STK3: variants seen among roughly 807,000 people sequenced by gnomAD.
STK3 encodes serine/threonine-protein kinase 3.
In STK3, 41 loss-of-function variants were observed where a neutral mutation model predicts 58.0. The ratio of observed to expected loss-of-function variants is 0.71; its 90% CI spans 0.55 to 0.92. The LOEUF (loss-of-function observed/expected upper bound fraction) is 0.92, where lower values mean the gene tolerates loss of function less well. STK3 is among the 40% of genes least tolerant of loss of function. The pLI is 0.00. For missense variants in STK3, 479 were observed against 602.7 expected (o/e 0.79, Z 2.15); for synonymous variants, 170 against 191.0 (o/e 0.89, Z 0.91).
At chr8:98,351,245 C>T in the STK3 span, among the ~76,000 whole-genome samples, 1 of 152,168 alleles carries the variant, frequency 6.6e-6, no homozygotes, top group Non-Finnish European at 1.5e-5. Flanking sequence ...TCGTGTAGAG[C>T]ATTAAATACA....
intron 3 of STK3, among the ~76,000 whole-genome samples, chr8:98,840,114 A>G (rs1289711609): frequency 1.3e-5 from 2 of 152,088 alleles, no homozygotes; most frequent in Non-Finnish European, 2.9e-5. Context: ...TGAGAAGCTG[A>G]GGCAGGTGGT....
chr8:98,838,056 G>A (rs367578555), intron 3 of STK3, among the ~76,000 whole-genome samples: 3 of 142,292 alleles, frequency 2.1e-5, no homozygotes, highest in Non-Finnish European at 4.5e-5. Flanking sequence ...GGGTGAAACC[G>A]TGTCTCTACT....
chr8:98,739,148 C>T (rs564091283), intron 4 of STK3, among the ~76,000 whole-genome samples: 6 of 152,234 alleles, frequency 3.9e-5, no homozygotes, highest in East Asian at 3.8e-4. Context: ...TCTGTAGGCT[C>T]CACCTCTGGG....
At chr8:98,832,471 T>C (rs1249316601) in intron 3 of STK3, among the ~76,000 whole-genome samples, 1 of 151,966 alleles carries the variant, frequency 6.6e-6, no homozygotes, top group Non-Finnish European at 1.5e-5. Flanking sequence ...CCACAACCAA[T>C]CCATGGTGGT....
At chr8:98,926,755 G>C (rs1839814896) in intron 1 of STK3, among the ~76,000 whole-genome samples, 1 of 152,218 alleles carries the variant, frequency 6.6e-6, no homozygotes, top group Admixed American at 6.5e-5. Flanking sequence ...TGGGATTTGG[G>C]ACAACAAAAG....
upstream of STK3, among the ~76,000 whole-genome samples, chr8:98,392,099 A>G (rs1817853773): frequency 6.6e-6 from 1 of 152,154 alleles, no homozygotes; most frequent in Non-Finnish European, 1.5e-5. Flanking sequence ...TCAATAAAAG[A>G]AATCTTTCTG....
chr8:98,839,338 A>G (rs1353150012), intron 3 of STK3, among the ~76,000 whole-genome samples: 1 of 152,178 alleles, frequency 6.6e-6, no homozygotes, highest in Non-Finnish European at 1.5e-5. Context: ...ATGAACCACC[A>G]TGCCCAGACT....
intron 8 of STK3, among the ~76,000 whole-genome samples, chr8:98,551,839 G>A (rs778241295): frequency 6.6e-6 from 1 of 151,938 alleles, no homozygotes; most frequent in Non-Finnish European, 1.5e-5. Flanking sequence ...TGCTATTTAG[G>A]TTGACACGTT....
chr8:98,755,717 T>C (rs1052641837), intron 3 of STK3, among the ~76,000 whole-genome samples: 1 of 152,216 alleles, frequency 6.6e-6, no homozygotes, highest in Non-Finnish European at 1.5e-5. Context: ...AAAGCACTTA[T>C]TACATCCTGC....
chr8:98,611,936 A>G (rs76126244), intron 6 of STK3, among the ~76,000 whole-genome samples: 1 of 152,116 alleles, frequency 6.6e-6, no homozygotes, highest in African/African-American at 2.4e-5. Flanking sequence ...CAGAGTTCAT[A>G]AATAGAATGG....
chr8:98,873,862 T>C (rs1168448406), intron 3 of STK3, among the ~76,000 whole-genome samples: 1 of 152,202 alleles, frequency 6.6e-6, no homozygotes, highest in Non-Finnish European at 1.5e-5. Flanking sequence ...AATATTGTTA[T>C]GTGTGAATTT....
At chr8:98,628,572 G>A (rs986955232) in intron 6 of STK3, among the ~76,000 whole-genome samples, 1 of 152,064 alleles carries the variant, frequency 6.6e-6, no homozygotes, top group Non-Finnish European at 1.5e-5. Flanking sequence ...AGAGGTGGGA[G>A]GATCACTTGA....
chr8:98,901,747 C>A (rs1347967250), intron 1 of STK3, among the ~76,000 whole-genome samples: 1 of 152,222 alleles, frequency 6.6e-6, no homozygotes, highest in Non-Finnish European at 1.5e-5. Context: ...GAGGTCAGGG[C>A]AGCTTTCTGT....
intron 6 of STK3, among the ~76,000 whole-genome samples, chr8:98,653,507 A>T (rs1024408961): frequency 1.1e-3 from 168 of 152,300 alleles, no homozygotes; most frequent in Admixed American, 2.0e-3. Context: ...GGAAATAGAG[A>T]CACAAAAAAC....
rs1362425746 is a variant in STK3 at position 98,596,136 on chromosome 8, T to C, written c.718A>G (p.Thr240Ala). The change falls in exon 7 of 11, where the codon ACA (threonine) becomes GCA (alanine). Residue 240 changes from threonine to alanine, a missense_variant. By Grantham distance (58) the Thr-to-Ala change is moderately conservative (BLOSUM62 0). Around this residue, in one of 3 missense-constraint regions of STK3, gnomAD observed 309 missense variants for 355.7 expected, o/e 0.87. Transcript: ENST00000419617. The stretch of plus-strand genomic sequence containing the variant: ...GACCAAAGTTCTGGCTTTCTGAATG[T>C]TGGTGGTGGATTTGTGGGAATCATA... ...IFMIPTNPPP[T>A]FRKPELWSDD... 1.9e-6 allele frequency: 3 copies of C among 1,613,074 alleles called. No individual in the cohort carries two copies. The highest frequency in any genetic ancestry group is 1.3e-5 in the African/African-American group (1 of 75,028).
At chr8:98,703,873 CTCTT>C (rs1825785859) in intron 6 of STK3, among the ~76,000 whole-genome samples, 1 of 152,196 alleles carries the variant, frequency 6.6e-6, no homozygotes, top group Non-Finnish European at 1.5e-5. Context: ...TCTTGGACAG[CTCTT>C]TCTTTCATTG....
chr8:98,893,503 AGAAAGAAAG>A (rs1838324776), intron 1 of STK3, among the ~76,000 whole-genome samples: 2 of 145,280 alleles, frequency 1.4e-5, no homozygotes, highest in African/African-American at 5.1e-5. Flanking sequence ...AAAGAAAGAA[AGAAAGAAAG>A]AAAGAAAGAA....
At chr8:98,869,022 A>AAGGAAG (rs1837251198) in intron 3 of STK3, among the ~76,000 whole-genome samples, 1 of 111,704 alleles carries the variant, frequency 9.0e-6, no homozygotes, top group Non-Finnish European at 1.8e-5. Flanking sequence ...GAAAAAGGAA[A>AAGGAAG]GAAGGAAGGA....
intron 3 of STK3, among the ~76,000 whole-genome samples, chr8:98,417,394 A>G (rs1363245328): frequency 6.6e-6 from 1 of 152,088 alleles, no homozygotes; most frequent in Non-Finnish European, 1.5e-5. Flanking sequence ...CCCACCTGTA[A>G]TCCCAGGTAC....
Sources: gnomAD v4.1 joint callset for allele counts (sites outside exome capture counted in the v4.1 genomes callset) on GRCh38, gnomAD v4.1.1 for gene constraint, gnomAD v4.1.1 regional missense constraint, MANE v1.5 for transcripts, NCBI Gene and HGNC (gene_info 2026-07-23, HGNC 2026-07-21) for gene names.